Variants in NPC1 observed in about 807,000 individuals in gnomAD.
The protein encoded by NPC1 is NPC intracellular cholesterol transporter 1, also known as Niemann-Pick C1 protein.
Under a neutral mutation model 140.4 loss-of-function variants are expected in NPC1, and 85 were observed. That is an observed-to-expected ratio of 0.61 (90% CI 0.51 to 0.72). NPC1 has a LOEUF of 0.72. NPC1 is among the 30% of genes least tolerant of loss of function. The pLI is 0.00. For synonymous variants in NPC1, 656 were observed against 624.8 expected (o/e 1.05, Z -0.74); for missense variants, 1,504 against 1,623.8 (o/e 0.93, Z 1.27).
At chr18:23,553,931 C>T (rs1428909189) in intron 9 of NPC1, among the ~76,000 whole-genome samples, 1 of 152,216 alleles carries the variant, frequency 6.6e-6, no homozygotes, top group Non-Finnish European at 1.5e-5. Context: ...ATAGCTGGGG[C>T]ACTACAGGGG....
At chr18:23,549,742 CTTT>C (rs1000073339) in intron 10 of NPC1, among the ~76,000 whole-genome samples, 2 of 137,996 alleles carry the variant, frequency 1.4e-5, no homozygotes, top group African/African-American at 2.7e-5. Flanking sequence ...TTTTTCACAA[CTTT>C]TTTTTTTTTT....
At position 23,531,484 on chromosome 18, in the gene NPC1, G is replaced by A. The variant is rs1227797863; in HGVS notation, c.*718C>T. ...TTGTATTTGTCTCTCAAAGCAGATAGGGTAACCCCAAAACTTAGGAAAACA... is the reference window on the plus strand; with the variant it reads ...TTGTATTTGTCTCTCAAAGCAGATAAGGTAACCCCAAAACTTAGGAAAACA... On this transcript the variant is annotated 3_prime_UTR_variant, in exon 25 of 25. Transcript: ENST00000269228. 3.5e-6 allele frequency: 5 copies of A among 1,447,998 alleles called. No individual in the cohort carries two copies. The highest frequency in any genetic ancestry group is 4.5e-6 in the Non-Finnish European group (5 of 1,105,286). The allele number at this position is 1,447,998 out of a possible 1,614,324, so 89.7% of individuals were successfully genotyped here.
At chr18:23,516,454 G>T in intron 3 of NPC1, 3 of 1,599,372 alleles carry the variant, frequency 1.9e-6, no homozygotes, top group Non-Finnish European at 2.6e-6. Context: ...ATTCCATCCT[G>T]TGATTGCTTT....
chr18:23,579,776 G>A (rs572045895), intron 1 of NPC1, among the ~76,000 whole-genome samples: 33 of 152,034 alleles, frequency 2.2e-4, no homozygotes, highest in Non-Finnish European at 4.1e-4. Context: ...TGTAGTCCCA[G>A]CTACAGGCTG....
intron 21 of NPC1, 139 bp from the exon 22 acceptor site, chr18:23,535,839 C>A (rs1429985149): frequency 1.4e-6 from 1 of 711,674 alleles, no homozygotes; most frequent in Non-Finnish European, 2.5e-6. Context: ...GTCTACAAGA[C>A]TCACCGAAAG....
rs541184278 is a variant in NPC1 at position 23,548,481 on chromosome 18, C to T, written c.1655-373G>A. On this transcript the variant is annotated intron_variant, in intron 10 of 24. Transcript: ENST00000269228. ...CTCCTCCCCATACTGTGACCATCTG[C>T]GAATCTTTCCAGAGCCACTCCACAC... Among the ~76,000 whole-genome samples, 38 of 152,120 alleles carry T rather than the reference C, an allele frequency of 2.5e-4. 1 individual carries two copies. Among genetic ancestry groups the T allele is most frequent in the African/African-American group, 8.7e-4 (36 of 41,494 alleles).
chr18:23,525,438 T>A (rs764057557), downstream of NPC1, among the ~76,000 whole-genome samples: 4 of 151,756 alleles, frequency 2.6e-5, no homozygotes, highest in East Asian at 1.9e-4. Flanking sequence ...TAATAATAAT[T>A]ATTTTGAGAC....
At chr18:23,548,418 T>C (rs2058820247) in intron 10 of NPC1, among the ~76,000 whole-genome samples, 1 of 150,906 alleles carries the variant, frequency 6.6e-6, no homozygotes, top group Non-Finnish European at 1.5e-5. Context: ...TTATCGAAAA[T>C]TCTCTCCTTC....
chr18:23,536,415 AGT>A (rs966798899), intron 21 of NPC1, among the ~76,000 whole-genome samples: 17 of 152,182 alleles, frequency 1.1e-4, no homozygotes, highest in Admixed American at 7.2e-4. Context: ...GCCATTTTCC[AGT>A]GTGTGTCTCT....
intron 20 of NPC1, 142 bp from the exon 21 acceptor site, chr18:23,537,018 C>A: frequency 1.4e-6 from 1 of 718,706 alleles, no homozygotes; most frequent in African/African-American, 1.7e-5. Context: ...TGAAGAAGGC[C>A]CCCAGATAAG....
chr18:23,527,933 C>T (rs772865570), downstream of NPC1: 16 of 1,485,786 alleles, frequency 1.1e-5, no homozygotes, highest in East Asian at 2.3e-4. Context: ...AAAGGGTCCT[C>T]CTCCCCCACC....
In NPC1 at chr18:23,560,326, G is replaced by A. The variant is rs138856517; in HGVS notation, c.786C>T (p.Ile262=). The A allele has an allele frequency of 1.7e-5, 27 of 1,614,064 alleles. No homozygotes were observed. The African/African-American group carries it at 3.5e-4, about 21-fold the overall frequency. The change falls in exon 6 of 25, where the codon ATC becomes ATT. Residue 262 remains isoleucine (I), a synonymous_variant. Transcript: ENST00000269228. ...QPPPPPAPWT[I]LGLDAMYVIM... Reference sequence around the variant, plus strand: ...TGACATACATGGCGTCCAAGCCAAGGATCGTCCAGGGAGCAGGAGGAGGTG... The same window carrying A: ...TGACATACATGGCGTCCAAGCCAAGAATCGTCCAGGGAGCAGGAGGAGGTG...
At position 23,534,549 on chromosome 18, in the gene NPC1, A is replaced by T. The variant is rs1202844544; in HGVS notation, c.3488T>A (p.Ile1163Asn). 1 of 1,613,488 alleles carries T rather than the reference A, an allele frequency of 6.2e-7. No homozygotes were observed. The highest frequency in any genetic ancestry group is 8.5e-7 in the Non-Finnish European group (1 of 1,179,748). The stretch of plus-strand genomic sequence containing the variant: ...TATGTGGCTGCAGAACTCCACGGAG[A>T]TGCCACAGCTCTGAAATAAAGCACT... ...SLVNLVMSCGISVEFCSHITR... is the reference protein window; with the variant it reads ...SLVNLVMSCGNSVEFCSHITR... Residue 1163 changes from isoleucine (I) to asparagine (N), a missense_variant, in exon 23 of 25, where the codon ATC (isoleucine) becomes AAC (asparagine). Coordinates refer to ENST00000269228, the MANE Select transcript of NPC1 (RefSeq NM_000271.5).
chr18:23,516,229 CTG>C, intron 3 of NPC1: 1 of 1,460,416 alleles, frequency 6.8e-7, no homozygotes, highest in South Asian at 1.1e-5. Flanking sequence ...AAGACGAAGT[CTG>C]TGTTTATCCT....
chr18:23,533,309 G>A, intron 24 of NPC1, 46 bp downstream of exon 24: 2 of 1,551,228 alleles, frequency 1.3e-6, no homozygotes, highest in Non-Finnish European at 1.8e-6. Flanking sequence ...TTCCCTTTCA[G>A]TAATGTCCTT....
rs757215027 is a variant in NPC1 at position 23,531,716 on chromosome 18, G to GT, written c.*485dup. The GT allele has an allele frequency of 3.4e-5, 54 of 1,598,646 alleles. No homozygotes were observed. Among genetic ancestry groups the GT allele is most frequent in the South Asian group, 1.8e-4 (16 of 86,994 alleles). On this transcript the variant is annotated 3_prime_UTR_variant, in exon 25 of 25. Transcript: ENST00000269228. ...CTACAACATTCTGAAATCACTTGCTGTTTTTTTATATAAAAATGTGTACAA... is the reference window on the plus strand; with the variant it reads ...CTACAACATTCTGAAATCACTTGCTGTTTTTTTTATATAAAAATGTGTACAA...
chr18:23,533,435 T>C lies in NPC1; in HGVS notation c.3674A>G (p.Tyr1225Cys), dbSNP rs2058572123. The C allele has an allele frequency of 6.2e-7, 1 of 1,614,112 alleles. No individual in the cohort carries two copies. The highest frequency in any genetic ancestry group is 8.5e-7 in the Non-Finnish European group (1 of 1,179,926). Residue 1225 changes from tyrosine to cysteine, a missense_variant, in exon 24 of 25, where the codon TAC (tyrosine) becomes TGC (cysteine). Physicochemically the swap from Tyr to Cys is radical, Grantham distance 194. Coordinates refer to ENST00000269228, the MANE Select transcript of NPC1 (RefSeq NM_000271.5). ...GACCATGGCCAAATACATCCTGAAG[T>C]AGAATATCTGGAAAATTTGAGATTT... ...FAKSQIFQIF[Y>C]FRMYLAMVLL...
At chr18:23,584,365 A>G (rs997184125) in intron 1 of NPC1, among the ~76,000 whole-genome samples, 10 of 152,198 alleles carry the variant, frequency 6.6e-5, no homozygotes, top group Non-Finnish European at 1.5e-4. Flanking sequence ...GTTCAGGTGC[A>G]CTGAAAGCTT....
intron 23 of NPC1, 90 bp from the exon 24 acceptor site, chr18:23,533,607 A>G: frequency 7.7e-7 from 1 of 1,296,178 alleles, no homozygotes; most frequent in Non-Finnish European, 1.1e-6. Flanking sequence ...CCCAGGTTCA[A>G]GTGATTCTCC....
Sources: allele counts gnomAD v4.1 joint callset (sites outside exome capture counted in the v4.1 genomes callset), GRCh38; gene constraint gnomAD v4.1.1; transcripts MANE v1.5; gene names NCBI Gene and HGNC (gene_info 2026-07-23, HGNC 2026-07-21).